SH3GL3: variants seen among roughly 807,000 people sequenced by gnomAD.
SH3GL3 encodes the protein endophilin-A3.
In SH3GL3, 33 loss-of-function variants were observed where a neutral mutation model predicts 47.7. The observed-to-expected ratio is 0.69, with a 90% CI of 0.52 to 0.92. The LOEUF (loss-of-function observed/expected upper bound fraction) is 0.92. SH3GL3 is among the 40% of genes least tolerant of loss of function. The pLI, the probability that SH3GL3 is intolerant of heterozygous loss-of-function variation, is 0.00. For synonymous variants in SH3GL3, 155 were observed against 148.8 expected (o/e 1.04, Z -0.30); for missense variants, 363 against 417.8 (o/e 0.87, Z 1.14).
chr15:83,573,901 C>A (rs2059599824), intron 5 of SH3GL3, among the ~76,000 whole-genome samples: 1 of 152,204 alleles, frequency 6.6e-6, no homozygotes, highest in Non-Finnish European at 1.5e-5. Flanking sequence ...GACAAGTAAA[C>A]AGATACCATG....
At chr15:83,450,790 C>CTTTTTTTTTTTTTTTTTTTTTT (rs11389151) in intron 1 of SH3GL3, among the ~76,000 whole-genome samples, 1 of 45,360 alleles carries the variant, frequency 2.2e-5, no homozygotes, top group African/African-American at 1.0e-4. Context: ...TATAGATTTT[C>CTTTTTTTTTTTTTTTTTTTTTT]TTTTTTTTTT....
chr15:83,590,082 CTGTT>C (rs1216546631), intron 8 of SH3GL3, among the ~76,000 whole-genome samples: 1 of 151,988 alleles, frequency 6.6e-6, no homozygotes, highest in Non-Finnish European at 1.5e-5. Context: ...TCTGAATTGT[CTGTT>C]TATGTCATTT....
intron 8 of SH3GL3, among the ~76,000 whole-genome samples, chr15:83,595,618 GTT>G (rs33947427): frequency 0.5 from 72,418 of 144,086 alleles, 18,091 homozygotes; most frequent in Admixed American, 0.61. Flanking sequence ...GTTACTCCTT[GTT>G]TTTTTTTTTT....
At chr15:83,469,512 T>C (rs2040733217) in intron 1 of SH3GL3, among the ~76,000 whole-genome samples, 1 of 152,200 alleles carries the variant, frequency 6.6e-6, no homozygotes, top group African/African-American at 2.4e-5. Context: ...AATTGTGATA[T>C]GTTGTAGTTT....
chr15:83,449,904 C>T (rs951176947), intron 1 of SH3GL3, among the ~76,000 whole-genome samples: 3 of 152,102 alleles, frequency 2.0e-5, no homozygotes, highest in African/African-American at 7.2e-5. Flanking sequence ...AGAAATCAGA[C>T]CGGTTTAATA....
At chr15:83,632,912 A>G in the SH3GL3 span, among the ~76,000 whole-genome samples, 3 of 152,368 alleles carry the variant, frequency 2.0e-5, no homozygotes, top group East Asian at 1.9e-4. Flanking sequence ...ACGCCACAAA[A>G]GAAGATATAA....
At position 83,469,839 on chromosome 15, in the gene SH3GL3, T is replaced by C. The variant is rs540630124; in HGVS notation, c.45+22261T>C. Among the ~76,000 whole-genome samples the C allele has an allele frequency of 2.0e-5, 3 of 152,338 alleles. No individual in the cohort carries two copies. In the East Asian group the frequency reaches 5.8e-4, roughly 29 times the overall value. ...TATCTAAATATTGATTAGCTCTTTT[T>C]GGTTGATAGTGTTACTGAGTTCTTC... On this transcript the variant is annotated intron_variant, in intron 1 of 8. Coordinates refer to ENST00000427482, the MANE Select transcript of SH3GL3 (RefSeq NM_003027.5).
downstream of SH3GL3, among the ~76,000 whole-genome samples, chr15:83,623,613 C>T (rs1160093153): frequency 2.0e-5 from 3 of 152,186 alleles, no homozygotes; most frequent in African/African-American, 4.8e-5. Context: ...GGCCCAGCAT[C>T]GGAGTGGGAG....
At chr15:83,607,718 A>G (rs1413151326) in intron 8 of SH3GL3, among the ~76,000 whole-genome samples, 1 of 152,094 alleles carries the variant, frequency 6.6e-6, no homozygotes, top group Non-Finnish European at 1.5e-5. Flanking sequence ...CCACATTGTA[A>G]AAAAGCAAGG....
At chr15:83,567,719 T>TGCGC (rs1566994318) in intron 3 of SH3GL3, among the ~76,000 whole-genome samples, 3 of 152,216 alleles carry the variant, frequency 2.0e-5, no homozygotes, top group African/African-American at 7.2e-5. Flanking sequence ...TGTGTGTGCG[T>TGCGC]GCGCGCGCAT....
chr15:83,607,261 T>C (rs1307456036), intron 8 of SH3GL3, among the ~76,000 whole-genome samples: 1 of 152,188 alleles, frequency 6.6e-6, no homozygotes, highest in Non-Finnish European at 1.5e-5. Context: ...TAAATATTAA[T>C]TTATGTACTT....
chr15:83,577,109 C>T (rs2059703320), intron 6 of SH3GL3, among the ~76,000 whole-genome samples: 1 of 151,804 alleles, frequency 6.6e-6, no homozygotes, highest in South Asian at 2.1e-4. Context: ...TAGGGTTTCA[C>T]CATGTTGGCC....
At chr15:83,532,672 A>G (rs2043732603) in intron 1 of SH3GL3, among the ~76,000 whole-genome samples, 1 of 152,220 alleles carries the variant, frequency 6.6e-6, no homozygotes. Context: ...AGTGGCTTAC[A>G]GATCTAGGCT....
chr15:83,482,225 T>C (rs965348853), intron 1 of SH3GL3, among the ~76,000 whole-genome samples: 1 of 152,232 alleles, frequency 6.6e-6, no homozygotes, highest in African/African-American at 2.4e-5. Context: ...ATATATGAAA[T>C]ATATTAATCC....
chr15:83,558,986 T>C (rs1433817127), intron 1 of SH3GL3, among the ~76,000 whole-genome samples: 3 of 152,270 alleles, frequency 2.0e-5, no homozygotes, highest in African/African-American at 7.2e-5. Flanking sequence ...TGATGACAAG[T>C]ATCTCTCTTG....
intron 6 of SH3GL3, among the ~76,000 whole-genome samples, chr15:83,586,180 C>T (rs1456588128): frequency 6.6e-6 from 1 of 152,168 alleles, no homozygotes; most frequent in Non-Finnish European, 1.5e-5. Context: ...CAGAAATAAG[C>T]TTAATTAATC....
intron 8 of SH3GL3, among the ~76,000 whole-genome samples, chr15:83,593,774 A>G (rs569600230): frequency 6.6e-6 from 1 of 152,216 alleles, no homozygotes; most frequent in South Asian, 2.1e-4. Flanking sequence ...GAAGCATTCA[A>G]TACTTCATAA....
intron 8 of SH3GL3, among the ~76,000 whole-genome samples, chr15:83,616,415 G>A (rs537924357): frequency 2.1e-4 from 32 of 151,936 alleles, no homozygotes; most frequent in African/African-American, 4.3e-4. Context: ...CACCACGCCC[G>A]GCTAATTTTT....
At chr15:83,500,221 T>G (rs1238274353) in intron 1 of SH3GL3, among the ~76,000 whole-genome samples, 1 of 152,206 alleles carries the variant, frequency 6.6e-6, no homozygotes, top group Non-Finnish European at 1.5e-5. Flanking sequence ...AGGTGGTTAT[T>G]GTGCTGTCCT....
Sources: gnomAD v4.1 joint callset for allele counts (sites outside exome capture counted in the v4.1 genomes callset) on GRCh38, gnomAD v4.1.1 for gene constraint, MANE v1.5 for transcripts, NCBI Gene and HGNC (gene_info 2026-07-23, HGNC 2026-07-21) for gene names.